Variants in BMP6 observed in about 807,000 individuals in gnomAD.
BMP6 encodes the protein bone morphogenetic protein 6.
In BMP6, 17 loss-of-function variants were observed where a neutral mutation model predicts 54.1. The ratio of observed to expected loss-of-function variants is 0.31; its 90% CI spans 0.22 to 0.47. The LOEUF is 0.47. Ranked by LOEUF, BMP6 falls within the 20% of genes least tolerant of loss-of-function variation. The pLI, the probability that BMP6 is intolerant of heterozygous loss-of-function variation, is 1.00. For missense variants in BMP6, 720 were observed against 690.4 expected (o/e 1.04, Z -0.48); for synonymous variants, 328 against 291.2 (o/e 1.13, Z -1.28).
chr6:7,735,336 G>A (rs1761937765), intron 1 of BMP6, among the ~76,000 whole-genome samples: 1 of 152,158 alleles, frequency 6.6e-6, no homozygotes, highest in Admixed American at 6.6e-5. Context: ...CCATATCATT[G>A]GTAAGAGCTG....
chr6:7,727,437 G>C lies in BMP6; in HGVS notation c.482G>C (p.Trp161Ser). 1 of 1,604,490 alleles carries C rather than the reference G, an allele frequency of 6.2e-7. No individual in the cohort carries two copies. The highest frequency in any genetic ancestry group is 8.5e-7 in the Non-Finnish European group (1 of 1,177,304). ...GASEGERQQS[W>S]PHEAASSSQR... ...TCGGAGGGGGAGAGGCAGCAGTCCT[G>C]GCCCCACGAAGCAGCCAGCTCGTCC... The change falls in exon 1 of 7, where the codon TGG becomes TCG. Residue 161 changes from tryptophan to serine, a missense_variant. Trp to Ser is a radical substitution (Grantham distance 177). Coordinates refer to ENST00000283147, the MANE Select transcript of BMP6 (RefSeq NM_001718.6).
chr6:7,860,594 T>A (rs1561794232), intron 2 of BMP6, among the ~76,000 whole-genome samples: 1 of 152,202 alleles, frequency 6.6e-6, no homozygotes, highest in Non-Finnish European at 1.5e-5. Flanking sequence ...CTGAAGGGCC[T>A]AATGGAAGGA....
intron 1 of BMP6, among the ~76,000 whole-genome samples, chr6:7,806,038 T>C (rs1159048540): frequency 6.6e-6 from 1 of 152,232 alleles, no homozygotes; most frequent in African/African-American, 2.4e-5. Context: ...CATTCTGAGA[T>C]GTGGGGTCAG....
intron 4 of BMP6, among the ~76,000 whole-genome samples, chr6:7,871,850 A>AT (rs1421268637): frequency 1.3e-5 from 2 of 152,180 alleles, no homozygotes; most frequent in African/African-American, 4.8e-5. Context: ...TCACAGGCGC[A>AT]TGTGGACAGC....
intron 1 of BMP6, among the ~76,000 whole-genome samples, chr6:7,752,559 G>GTTT (rs5874110): frequency 2.8e-4 from 34 of 122,432 alleles, no homozygotes; most frequent in East Asian, 1.5e-3. Context: ...TTCAACATAG[G>GTTT]TTTTTTTTTT....
chr6:7,825,434 T>A lies in BMP6; in HGVS notation c.665-19706T>A, dbSNP rs116579137. 8.3e-3 allele frequency among the ~76,000 whole-genome samples: 1,261 copies of A among 152,136 alleles called. 24 individuals carry two copies. The highest frequency in any genetic ancestry group is 0.029 in the African/African-American group (1,220 of 41,526). ...CTGAGAACTTATAAAACTTTAGTGG[T>A]TTTAGGCCAGGCGTGGTGGATCACA... On this transcript the variant is annotated intron_variant, in intron 1 of 6. Transcript: ENST00000283147.
intron 1 of BMP6, among the ~76,000 whole-genome samples, chr6:7,804,735 A>G (rs889656154): frequency 6.6e-6 from 1 of 152,248 alleles, no homozygotes; most frequent in Non-Finnish European, 1.5e-5. Context: ...CATAGCTTCT[A>G]TTCTAAACAC....
At chr6:7,871,766 T>A (rs1028904256) in intron 4 of BMP6, among the ~76,000 whole-genome samples, 2 of 152,198 alleles carry the variant, frequency 1.3e-5, no homozygotes, top group African/African-American at 2.4e-5. Context: ...AGACAGACTT[T>A]GTGTCTCAGC....
intron 1 of BMP6, among the ~76,000 whole-genome samples, chr6:7,774,285 C>T (rs550472446): frequency 1.3e-5 from 2 of 152,286 alleles, no homozygotes; most frequent in South Asian, 4.1e-4. Context: ...TGTGGTGGCT[C>T]ACGCCGGTAA....
intron 1 of BMP6, among the ~76,000 whole-genome samples, chr6:7,778,013 G>C (rs74453762): frequency 0.011 from 1,728 of 152,120 alleles, 21 homozygotes; most frequent in African/African-American, 0.026. Context: ...TTACCTGTTC[G>C]TTCAGAAGTC....
intron 1 of BMP6, among the ~76,000 whole-genome samples, chr6:7,770,731 T>C (rs146376267): frequency 1.3e-5 from 2 of 152,218 alleles, no homozygotes; most frequent in African/African-American, 4.8e-5. Flanking sequence ...ACTCAGAAGT[T>C]CTAGGAAAGG....
rs1447391523 is a variant in BMP6 at position 7,872,778 on chromosome 6, T to G, written c.1205-6296T>G. Among the ~76,000 whole-genome samples the G allele has an allele frequency of 2.0e-5, 3 of 152,022 alleles. No homozygotes were observed. The East Asian group carries it at 5.8e-4, about 29-fold the overall frequency. Reference sequence around the variant, plus strand: ...CTGCCAGCAATTCTTCAACACCAATTAAGTGTCTTGCAATTCAATCCAATT... The same window carrying G: ...CTGCCAGCAATTCTTCAACACCAATGAAGTGTCTTGCAATTCAATCCAATT... On this transcript the variant is annotated intron_variant, in intron 4 of 6. Coordinates refer to ENST00000283147, the MANE Select transcript of BMP6 (RefSeq NM_001718.6).
At chr6:7,796,340 T>G (rs1431105145) in intron 1 of BMP6, among the ~76,000 whole-genome samples, 3 of 152,254 alleles carry the variant, frequency 2.0e-5, no homozygotes, top group African/African-American at 7.2e-5. Flanking sequence ...TTTATGAGGA[T>G]GAAGCCAAAC....
At chr6:7,818,784 C>T (rs944800324) in intron 1 of BMP6, among the ~76,000 whole-genome samples, 2 of 152,202 alleles carry the variant, frequency 1.3e-5, no homozygotes. Flanking sequence ...TCAGGTCACA[C>T]GCCTCATGCC....
chr6:7,728,602 G>A (rs1561751644), intron 1 of BMP6, among the ~76,000 whole-genome samples: 1 of 152,158 alleles, frequency 6.6e-6, no homozygotes, highest in South Asian at 2.1e-4. Flanking sequence ...GGTTTGCACT[G>A]CTTTTCATTC....
chr6:7,849,423 A>AT (rs1160532664), intron 2 of BMP6, among the ~76,000 whole-genome samples: 2 of 152,060 alleles, frequency 1.3e-5, no homozygotes, highest in Non-Finnish European at 2.9e-5. Context: ...CTTCTTTACT[A>AT]TTTTTTCTGT....
At chr6:7,866,846 A>G (rs1473476565) in intron 4 of BMP6, among the ~76,000 whole-genome samples, 1 of 152,138 alleles carries the variant, frequency 6.6e-6, no homozygotes, top group African/African-American at 2.4e-5. Flanking sequence ...CTGCCATTGT[A>G]TCAATGCCAC....
intron 1 of BMP6, among the ~76,000 whole-genome samples, chr6:7,778,651 T>A (rs906152369): frequency 6.6e-6 from 1 of 152,242 alleles, no homozygotes. Context: ...GTCATAATTT[T>A]AGGGTTTCAG....
intron 1 of BMP6, among the ~76,000 whole-genome samples, chr6:7,730,387 A>G (rs1410811988): frequency 6.6e-6 from 1 of 152,232 alleles, no homozygotes; most frequent in Non-Finnish European, 1.5e-5. Flanking sequence ...AGGCTGACAC[A>G]GAACTGAAAG....
Sources: gnomAD v4.1 joint callset for allele counts (sites outside exome capture counted in the v4.1 genomes callset) on GRCh38, gnomAD v4.1.1 for gene constraint, MANE v1.5 for transcripts, NCBI Gene and HGNC (gene_info 2026-07-23, HGNC 2026-07-21) for gene names.